Variants in ZNF469 observed in about 807,000 individuals in gnomAD.
ZNF469 encodes the protein zinc finger protein 469.
In ZNF469, 1 loss-of-function variant was observed where a neutral mutation model predicts 1.0. That is an observed-to-expected ratio of 1.00 (90% CI 0.35 to 4.73). The LOEUF is 4.73. Ranked by LOEUF, ZNF469 falls within the 30% of genes most tolerant of loss-of-function variation. The pLI is 0.16. For missense variants in ZNF469, 6,100 were observed against 5,356.3 expected (o/e 1.14, Z -4.33); for synonymous variants, 2,703 against 2,363.4 (o/e 1.14, Z -4.17).
At chr16:88,288,468 A>G in the ZNF469 span, among the ~76,000 whole-genome samples, 1 of 152,170 alleles carries the variant, frequency 6.6e-6, no homozygotes, top group Non-Finnish European at 1.5e-5. Context: ...ATCCAAATCT[A>G]TCAATCATCA....
At chr16:88,205,965 C>G in the ZNF469 span, among the ~76,000 whole-genome samples, 184 of 150,580 alleles carry the variant, frequency 1.2e-3, no homozygotes, top group Middle Eastern at 3.4e-3. This position sits in a 1 kb window ranked among gnomAD's most constrained non-coding sequence, Gnocchi z 4.2. Context: ...AAGGGGGGGG[C>G]CCAGCCCATG....
chr16:88,261,982 GCCT>G, the ZNF469 span, among the ~76,000 whole-genome samples: 1 of 152,154 alleles, frequency 6.6e-6, no homozygotes, highest in South Asian at 2.1e-4. This position sits in a 1 kb window ranked among gnomAD's most constrained non-coding sequence, Gnocchi z 6.0. Flanking sequence ...TGAAGCTCCG[GCCT>G]CCTCTCCCTC....
the ZNF469 span, among the ~76,000 whole-genome samples, chr16:88,291,419 T>G: frequency 2.0e-5 from 3 of 152,190 alleles, no homozygotes; most frequent in Non-Finnish European, 4.4e-5. Context: ...CACTTTCCCC[T>G]CAATAAGACG....
At chr16:88,214,384 G>A in the ZNF469 span, among the ~76,000 whole-genome samples, 1 of 152,036 alleles carries the variant, frequency 6.6e-6, no homozygotes. Flanking sequence ...TATGAGGGGA[G>A]TCAGGGTGAC....
At chr16:88,205,956 A>AGG in the ZNF469 span, among the ~76,000 whole-genome samples, 32 of 151,616 alleles carry the variant, frequency 2.1e-4, no homozygotes, top group East Asian at 7.8e-4. This position sits in a 1 kb window ranked among gnomAD's most constrained non-coding sequence, Gnocchi z 4.2. Context: ...TTTCAGAGGA[A>AGG]GGGGGGGGCC....
At chr16:88,356,692 A>T in the ZNF469 span, among the ~76,000 whole-genome samples, 1 of 152,326 alleles carries the variant, frequency 6.6e-6, no homozygotes, top group South Asian at 2.1e-4. Flanking sequence ...ACCACGGAGA[A>T]AACCTCCAGC....
chr16:88,247,199 T>A, the ZNF469 span, among the ~76,000 whole-genome samples: 1 of 147,898 alleles, frequency 6.8e-6, no homozygotes, highest in Non-Finnish European at 1.5e-5. Context: ...AATCAGCGAG[T>A]GAATGAGTGA....
At chr16:88,261,058 G>T in the ZNF469 span, among the ~76,000 whole-genome samples, 27 of 152,252 alleles carry the variant, frequency 1.8e-4, no homozygotes, top group African/African-American at 5.5e-4. The surrounding 1 kb of genome is among the most constrained non-coding windows in gnomAD (Gnocchi z 6.0). Context: ...TGCCTGACGG[G>T]GGCTTCCTGG....
intron 1 of ZNF469, among the ~76,000 whole-genome samples, chr16:88,385,394 G>A (rs898020671): frequency 6.6e-6 from 1 of 152,092 alleles, no homozygotes; most frequent in African/African-American, 2.4e-5. Context: ...CCTGCAATTT[G>A]GGAGGCTGAG....
the ZNF469 span, among the ~76,000 whole-genome samples, chr16:88,297,751 G>C: frequency 1.3e-5 from 2 of 152,216 alleles, no homozygotes; most frequent in Non-Finnish European, 2.9e-5. Context: ...GGCCCACCCA[G>C]GTGGTCCAGG....
At chr16:88,314,358 T>A in the ZNF469 span, among the ~76,000 whole-genome samples, 1 of 145,212 alleles carries the variant, frequency 6.9e-6, no homozygotes, top group Non-Finnish European at 1.5e-5. Context: ...GTGGGCTGTC[T>A]CTGTAATTAA....
At chr16:88,160,184 C>T in the ZNF469 span, among the ~76,000 whole-genome samples, 1 of 152,220 alleles carries the variant, frequency 6.6e-6, no homozygotes, top group Non-Finnish European at 1.5e-5. Context: ...AGGAAGGAGA[C>T]TGGGTCTGGG....
the ZNF469 span, among the ~76,000 whole-genome samples, chr16:88,315,964 C>A: frequency 6.6e-6 from 1 of 152,204 alleles, no homozygotes; most frequent in African/African-American, 2.4e-5. Context: ...GCCCTGACCC[C>A]ACCCCCGGCG....
At chr16:88,222,768 A>C in the ZNF469 span, among the ~76,000 whole-genome samples, 5 of 151,612 alleles carry the variant, frequency 3.3e-5, no homozygotes, top group Admixed American at 2.6e-4. Flanking sequence ...GAAAAAAAAA[A>C]ACAAAAACAT....
chr16:88,378,925 G>T (rs1178795494), upstream of ZNF469, among the ~76,000 whole-genome samples: 1 of 152,242 alleles, frequency 6.6e-6, no homozygotes, highest in Non-Finnish European at 1.5e-5. Flanking sequence ...TCTGGGGCAG[G>T]CGTGGGCCCA....
At chr16:88,205,570 C>T in the ZNF469 span, among the ~76,000 whole-genome samples, 941 of 152,280 alleles carry the variant, frequency 6.2e-3, 16 homozygotes, top group South Asian at 0.055. The surrounding 1 kb of genome is among the most constrained non-coding windows in gnomAD (Gnocchi z 4.2). Flanking sequence ...TGAACAGTTT[C>T]GGGGTGATGC....
the ZNF469 span, among the ~76,000 whole-genome samples, chr16:88,299,512 T>G: frequency 6.6e-6 from 1 of 152,176 alleles, no homozygotes; most frequent in Non-Finnish European, 1.5e-5. Context: ...GAGCACAGCT[T>G]TGATGATCTA....
the ZNF469 span, among the ~76,000 whole-genome samples, chr16:88,274,313 G>A: frequency 6.6e-6 from 1 of 152,256 alleles, no homozygotes; most frequent in Non-Finnish European, 1.5e-5. Context: ...GCTGAAGAGA[G>A]TTCTGTGGAT....
the ZNF469 span, among the ~76,000 whole-genome samples, chr16:88,162,379 A>C: frequency 6.6e-6 from 1 of 151,060 alleles, no homozygotes; most frequent in East Asian, 1.9e-4. Flanking sequence ...AAAAAAAAAA[A>C]ACCACATCAA....
Sources: allele counts gnomAD v4.1 joint callset (sites outside exome capture counted in the v4.1 genomes callset), GRCh38; gene constraint gnomAD v4.1.1; non-coding constraint Gnocchi (gnomAD v3.1); transcripts MANE v1.5; gene names NCBI Gene and HGNC (gene_info 2026-07-23, HGNC 2026-07-21).